HTT: variants seen among roughly 807,000 people sequenced by gnomAD.
HTT encodes huntington disease protein.
Under a neutral mutation model 362.3 loss-of-function variants are expected in HTT, and 104 were observed. That is an observed-to-expected ratio of 0.29 (90% CI 0.24 to 0.34). The LOEUF is 0.34. HTT is among the 10% of genes least tolerant of loss of function. HTT has a pLI of 1.00. For missense variants in HTT, 3,301 were observed against 3,928.6 expected (o/e 0.84, Z 4.27); for synonymous variants, 1,577 against 1,548.7 (o/e 1.02, Z -0.43).
chr4:3,182,295 C>A, intron 36 of HTT, 59 bp from the exon 37 acceptor site: 2 of 1,034,534 alleles, frequency 1.9e-6, no homozygotes, highest in Non-Finnish European at 1.5e-6. Context: ...CAGACGGACA[C>A]GTAGGGGTGG....
At chr4:3,219,566 C>A (rs899861389) in intron 52 of HTT, among the ~76,000 whole-genome samples, 1 of 152,148 alleles carries the variant, frequency 6.6e-6, no homozygotes, top group Non-Finnish European at 1.5e-5. Flanking sequence ...CATAGAGCCC[C>A]CTCTGCCTTT....
At chr4:3,123,104 C>G in intron 10 of HTT, 168 bp downstream of exon 10, 2 of 453,518 alleles carry the variant, frequency 4.4e-6, no homozygotes, top group South Asian at 1.5e-4. Context: ...GATAACCAGG[C>G]CTGAATAGTT....
chr4:3,143,657 G>GCA (rs1409164433), intron 23 of HTT, among the ~76,000 whole-genome samples: 2 of 150,486 alleles, frequency 1.3e-5, no homozygotes, highest in Non-Finnish European at 3.0e-5. Flanking sequence ...AGGCTGGAGT[G>GCA]CAATGGCATG....
intron 45 of HTT, among the ~76,000 whole-genome samples, chr4:3,207,597 G>T (rs1167524307): frequency 6.6e-6 from 1 of 152,216 alleles, no homozygotes; most frequent in East Asian, 1.9e-4. Context: ...TTGCACTCCT[G>T]GTGGCTGTTT....
intron 47 of HTT, among the ~76,000 whole-genome samples, chr4:3,210,947 G>A (rs867713948): frequency 8.6e-4 from 115 of 133,090 alleles, no homozygotes; most frequent in Middle Eastern, 4.6e-3. Context: ...TTGTCCCCCA[G>A]GCTGGAGTGC....
chr4:3,115,533 T>C, intron 7 of HTT, 88 bp downstream of exon 7: 2 of 1,097,304 alleles, frequency 1.8e-6, no homozygotes, highest in Non-Finnish European at 1.3e-6. Context: ...ATCCCTCAGC[T>C]TCTAGACCAG....
chr4:3,172,618 A>G (rs1405842518), intron 30 of HTT, among the ~76,000 whole-genome samples: 1 of 152,206 alleles, frequency 6.6e-6, no homozygotes, highest in Non-Finnish European at 1.5e-5. Flanking sequence ...AGAGGACACC[A>G]GAAGCTCCTC....
At chr4:3,224,734 TAGG>T (rs1720830596) in intron 56 of HTT, among the ~76,000 whole-genome samples, 1 of 152,254 alleles carries the variant, frequency 6.6e-6, no homozygotes, top group Non-Finnish European at 1.5e-5. Context: ...CGTAGCTATT[TAGG>T]AGTTTAAGCA....
chr4:3,228,499 G>A lies in HTT; in HGVS notation c.7849-116G>A. ...AACCTGGGGTGTCTGAACGACCCTT[G>A]CTAAGGGGCAGACTGTTAGACGGTA... On this transcript the variant is annotated intron_variant, in intron 57 of 66. Coordinates refer to ENST00000355072, the MANE Select transcript of HTT (RefSeq NM_001388492.1). This position sits in a 1 kb window ranked among gnomAD's most constrained non-coding sequence, Gnocchi z 4.3. 1 of 1,237,136 alleles carries A rather than the reference G, an allele frequency of 8.1e-7. No individual in the cohort carries two copies. The highest frequency in any genetic ancestry group is 1.1e-6 in the Non-Finnish European group (1 of 910,880). The allele number at this position is 1,237,136 out of a possible 1,614,324, so 76.6% of individuals were successfully genotyped here.
intron 26 of HTT, among the ~76,000 whole-genome samples, chr4:3,151,054 C>CAAAAA (rs763028911): frequency 3.7e-5 from 5 of 134,416 alleles, no homozygotes; most frequent in Non-Finnish European, 5.0e-5. Flanking sequence ...CAAAACAAAA[C>CAAAAA]AAAAAAAAAA....
intron 6 of HTT, among the ~76,000 whole-genome samples, chr4:3,108,973 A>G (rs1262296018): frequency 6.6e-6 from 1 of 152,026 alleles, no homozygotes; most frequent in Non-Finnish European, 1.5e-5. Flanking sequence ...GGTTGAGCCC[A>G]GGAGTTGGAG....
At chr4:3,104,281 G>C (rs750632134) in intron 4 of HTT, among the ~76,000 whole-genome samples, 24 of 151,882 alleles carry the variant, frequency 1.6e-4, no homozygotes, top group Non-Finnish European at 2.8e-4. Flanking sequence ...TTACAGGCGT[G>C]AGCCACTGTG....
At chr4:3,104,242 G>T (rs991123898) in intron 4 of HTT, among the ~76,000 whole-genome samples, 1 of 151,816 alleles carries the variant, frequency 6.6e-6, no homozygotes, top group African/African-American at 2.4e-5. Context: ...CAGGTGATCC[G>T]CCCGCCTCGG....
In HTT at chr4:3,238,435, C is replaced by G; in HGVS notation, c.8892-12C>G. On this transcript the variant is annotated splice_polypyrimidine_tract_variant and intron_variant, in intron 64 of 66. Coordinates refer to ENST00000355072, the MANE Select transcript of HTT (RefSeq NM_001388492.1). ...GCTGGTGCCAGTCTCTGACCTGCGT[C>G]CCTCCTCCCAGGATCAGGAAAGGCT... 3 of 1,601,348 alleles carry G rather than the reference C, an allele frequency of 1.9e-6. No homozygotes were observed. The highest frequency in any genetic ancestry group is 2.6e-6 in the Non-Finnish European group (3 of 1,172,972).
Position 3,135,929 on chromosome 4 carries a change from G to A in HTT, c.2659G>A (p.Ala887Thr). The change falls in exon 20 of 67, where the codon GCA becomes ACA. Residue 887 changes from alanine (A) to threonine (T), a missense_variant. Transcript: ENST00000355072. Reference sequence around the variant, plus strand: ...GCTGGTGAGCTTTTTGGAGGCAAAAGCAGAAAACTTACACAGAGGGGCTCA... The same window carrying A: ...GCTGGTGAGCTTTTTGGAGGCAAAAACAGAAAACTTACACAGAGGGGCTCA... Reference protein sequence around the residue: ...FRLVSFLEAKAENLHRGAHHY... With the variant: ...FRLVSFLEAKTENLHRGAHHY... 2 of 1,603,824 alleles carry A rather than the reference G, an allele frequency of 1.2e-6. No individual in the cohort carries two copies. Among genetic ancestry groups the A allele is most frequent in the East Asian group, 2.2e-5 (1 of 44,456 alleles).
chr4:3,128,013 A>C (rs1386136171), intron 12 of HTT, among the ~76,000 whole-genome samples: 1 of 151,776 alleles, frequency 6.6e-6, no homozygotes, highest in African/African-American at 2.4e-5. Context: ...GCCCACTGCA[A>C]CTTCTGCCTC....
rs1351099845 is a variant in HTT at position 3,212,662 on chromosome 4, C to A, written c.6727C>A (p.Pro2243Thr). Residue 2243 changes from proline (P) to threonine (T), a missense_variant, in exon 49 of 67, where the codon CCT becomes ACT. Physicochemically the swap from Pro to Thr is conservative, Grantham distance 38. Around this residue, in one of 4 missense-constraint regions of HTT, gnomAD observed 220 missense variants for 218.5 expected, o/e 1.01. Transcript: ENST00000355072. ...ACTGCCCAGTCATTTGCACCTTCCT[C>A]CTGAGAAAGAGAAGGACATTGTGAA... ...SKLPSHLHLP[P>T]EKEKDIVKFV... The A allele has an allele frequency of 3.1e-6, 5 of 1,614,222 alleles. No individual in the cohort carries two copies. The East Asian group carries it at 1.1e-4, about 36-fold the overall frequency.
chr4:3,095,333 C>G (rs980279805), intron 2 of HTT, among the ~76,000 whole-genome samples: 1 of 152,216 alleles, frequency 6.6e-6, no homozygotes, highest in African/African-American at 2.4e-5. Flanking sequence ...GAGACCAGCC[C>G]GGCCAACACG....
At chr4:3,142,643 C>T in intron 22 of HTT, 123 bp from the exon 23 acceptor site, 1 of 520,884 alleles carries the variant, frequency 1.9e-6, no homozygotes, top group Non-Finnish European at 3.4e-6. Flanking sequence ...CAGCCCGTTT[C>T]ACTTAAAAGT....
Sources: gnomAD v4.1 joint callset for allele counts (sites outside exome capture counted in the v4.1 genomes callset) on GRCh38, gnomAD v4.1.1 for gene constraint, gnomAD v4.1.1 regional missense constraint, Gnocchi (gnomAD v3.1) non-coding constraint, MANE v1.5 for transcripts, NCBI Gene and HGNC (gene_info 2026-07-23, HGNC 2026-07-21) for gene names.